The following PRAM1 variants were observed in gnomAD, a reference collection of about 807,000 sequenced individuals.
PRAM1 encodes the protein PML-RARA regulated adaptor molecule 1, also known as PML-RARA-regulated adapter molecule 1.
PRAM1 carries 41 observed loss-of-function variants against 55.3 expected under a neutral mutation model. The ratio of observed to expected loss-of-function variants is 0.74; its 90% CI spans 0.58 to 0.96. The LOEUF (loss-of-function observed/expected upper bound fraction) is 0.96, where lower values mean the gene tolerates loss of function less well. Ranked by LOEUF, PRAM1 falls within the 40% of genes least tolerant of loss-of-function variation. The probability of loss-of-function intolerance (pLI) is 0.00; values close to 1 mark genes in which losing one functional copy is unlikely to be tolerated. For synonymous variants in PRAM1, 401 were observed against 387.1 expected (o/e 1.04, Z -0.42); for missense variants, 898 against 892.7 (o/e 1.01, Z -0.08).
chr19:8,498,422 C>T lies in PRAM1; in HGVS notation c.1386G>A (p.Gly462=), dbSNP rs1022265271. ...HPPAKPPLPP[G]PVDMQSFRRP... ...TCCGAAAGCTCTGCATATCCACGGG[C>T]CCCGGGGGCAGCGGGGGCTTGGCTG... The change falls in exon 2 of 10, where the codon GGG becomes GGA. Residue 462 remains glycine, a synonymous_variant. Coordinates refer to ENST00000423345, the MANE Select transcript of PRAM1 (RefSeq NM_032152.5). 2 of 1,578,610 alleles carry T rather than the reference C, an allele frequency of 1.3e-6. No homozygotes were observed. Among genetic ancestry groups the T allele is most frequent in the East Asian group, 2.3e-5 (1 of 43,996 alleles).
Position 8,491,145 on chromosome 19 carries a change from G to T in PRAM1, c.1589C>A (p.Ser530Ter), listed in dbSNP as rs1971624233. The T allele has an allele frequency of 6.2e-7, 1 of 1,611,230 alleles. No homozygotes were observed. Among genetic ancestry groups the T allele is most frequent in the East Asian group, 2.2e-5 (1 of 44,868 alleles). The change falls in exon 5 of 10, where the codon TCA (serine) becomes TAA (stop). Residue 530 changes from serine to a stop codon, truncating the protein, a stop_gained. Coordinates refer to ENST00000423345, the MANE Select transcript of PRAM1 (RefSeq NM_032152.5). LOFTEE classifies it high-confidence loss of function. Reference protein sequence around the residue: ...PSPKGRDEAPSVQQAARRPPQ... With the variant: ...PSPKGRDEAP The stretch of plus-strand genomic sequence containing the variant: ...TGGCCTCCTGGCGGCTTGCTGAACT[G>T]AGGGCGCTTCATCTGGGGACAGTCA...
chr19:8,501,098 CTTTT>C (rs35262115), intron 1 of PRAM1, among the ~76,000 whole-genome samples: 3 of 118,158 alleles, frequency 2.5e-5, no homozygotes, highest in Admixed American at 8.5e-5. Flanking sequence ...TTCTTTCTTT[CTTTT>C]TTTTTTTTTT....
intron 4 of PRAM1, among the ~76,000 whole-genome samples, chr19:8,495,739 T>A (rs1274278278): frequency 1.4e-5 from 2 of 146,416 alleles, no homozygotes; most frequent in African/African-American, 5.1e-5. Flanking sequence ...ATGCAGGGAG[T>A]GGAGCGTACA....
intron 4 of PRAM1, among the ~76,000 whole-genome samples, chr19:8,496,650 G>A (rs914742768): frequency 6.6e-6 from 1 of 151,908 alleles, no homozygotes; most frequent in African/African-American, 2.4e-5. Flanking sequence ...GCTTGAACAC[G>A]GAAGGCAGAG....
intron 1 of PRAM1, among the ~76,000 whole-genome samples, chr19:8,500,886 C>T (rs779160772): frequency 9.2e-5 from 14 of 152,114 alleles, no homozygotes; most frequent in Non-Finnish European, 1.8e-4. Context: ...GTGCCTCAGC[C>T]GCCCAAGTAG....
At chr19:8,494,484 C>T (rs1971670034) in intron 4 of PRAM1, among the ~76,000 whole-genome samples, 1 of 152,206 alleles carries the variant, frequency 6.6e-6, no homozygotes, top group Non-Finnish European at 1.5e-5. Flanking sequence ...GCCCCAGGCC[C>T]TCTGAGGCTG....
Position 8,495,534 on chromosome 19 carries a change from C to T in PRAM1, c.1576+2230G>A, listed in dbSNP as rs114412646. ...GGATGACAGGTGTGAGCTGCCACGC[C>T]GGGCCAGCCTTGTGCATCTGTAAAA... On this transcript the variant is annotated intron_variant, in intron 4 of 9. Transcript: ENST00000423345. Among the ~76,000 whole-genome samples the T allele has an allele frequency of 7.1e-3, 1,082 of 152,286 alleles. 14 individuals carry two copies. The highest frequency in any genetic ancestry group is 0.025 in the African/African-American group (1,030 of 41,550).
intron 4 of PRAM1, among the ~76,000 whole-genome samples, chr19:8,496,444 G>T (rs1427754797): frequency 6.6e-6 from 1 of 151,992 alleles, no homozygotes; most frequent in Admixed American, 6.6e-5. Flanking sequence ...AAAATATAAG[G>T]CCGGGCGCGG....
At chr19:8,496,353 G>T (rs926996898) in intron 4 of PRAM1, among the ~76,000 whole-genome samples, 1 of 152,122 alleles carries the variant, frequency 6.6e-6, no homozygotes, top group Non-Finnish European at 1.5e-5. Context: ...GGCAGAGGTT[G>T]CAGTGAGCTG....
chr19:8,495,911 A>T (rs962621680), intron 4 of PRAM1: 2 of 361,292 alleles, frequency 5.5e-6, no homozygotes, highest in Admixed American at 3.5e-5. Flanking sequence ...GCTTGCCTGG[A>T]AGCTGCTTGT....
intron 1 of PRAM1, among the ~76,000 whole-genome samples, chr19:8,500,021 G>T (rs961463952): frequency 2.0e-5 from 3 of 151,804 alleles, no homozygotes; most frequent in Non-Finnish European, 4.4e-5. Flanking sequence ...TGGAGATCCC[G>T]ACATCCCTCC....
At chr19:8,498,117 A>G in intron 3 of PRAM1, 106 bp downstream of exon 3, 1 of 1,207,976 alleles carries the variant, frequency 8.3e-7, no homozygotes, top group Non-Finnish European at 1.2e-6. Flanking sequence ...TGACTTCAGG[A>G]GATCCGCCCA....
At position 8,490,081 on chromosome 19, in the gene PRAM1, C is replaced by G; in HGVS notation, c.*108G>C. The G allele has an allele frequency of 9.0e-7, 1 of 1,114,746 alleles. No individual in the cohort carries two copies. The highest frequency in any genetic ancestry group is 1.3e-6 in the Non-Finnish European group (1 of 795,052). 69.1% of individuals were successfully genotyped at this position (1,114,746 alleles called of 1,614,324 possible). A position where few individuals can be genotyped will look rare whatever the true frequency, so the allele number is the denominator to read the frequency against. ...TGCTTTAAACTGGGGCTTTATGTGG[C>G]CAGGTACAAGCCCAGGCAGCTCTGT... On this transcript the variant is annotated 3_prime_UTR_variant, in exon 10 of 10. Transcript: ENST00000423345. The surrounding 1 kb of genome is among the most constrained non-coding windows in gnomAD (Gnocchi z 7.3).
chr19:8,502,105 C>T (rs1170977706), intron 1 of PRAM1, among the ~76,000 whole-genome samples: 2 of 152,200 alleles, frequency 1.3e-5, no homozygotes. Context: ...TGAAGTGCCC[C>T]TGTCAAAGCC....
intron 2 of PRAM1, 36 bp downstream of exon 2, chr19:8,498,339 GC>G (rs1244220371): frequency 2.5e-6 from 4 of 1,591,804 alleles, no homozygotes; most frequent in South Asian, 1.1e-5. Context: ...TGGGACCTCA[GC>G]CCCCGCTCCT....
At chr19:8,491,551 A>G in intron 4 of PRAM1, 1 of 311,658 alleles carries the variant, frequency 3.2e-6, no homozygotes, top group Admixed American at 4.6e-5. Context: ...GATCTTGAGT[A>G]AGGCCTCCCT....
chr19:8,497,739 G>T, intron 4 of PRAM1, 25 bp downstream of exon 4: 2 of 1,579,704 alleles, frequency 1.3e-6, no homozygotes, highest in Non-Finnish European at 1.7e-6. Flanking sequence ...TGTTTTGCAG[G>T]GACTCGGGCA....
rs999557400 is a variant in PRAM1, at chr19:8,498,737, G to A, written c.1071C>T (p.Phe357=). 6.3e-7 allele frequency: 1 copy of A among 1,581,748 alleles called. No individual in the cohort carries two copies. The highest frequency in any genetic ancestry group is 1.3e-5 in the African/African-American group (1 of 74,088). ...GGACAGCGCTGGGCTCAGGCTGTGA[G>A]AACTTGCGGGGTGGCCCCCGGCGCT... The part of the protein sequence containing the change: ...QPERRGPPRK[F]SQPEPSAVLK... The change falls in exon 2 of 10, where the codon TTC becomes TTT. Residue 357 remains phenylalanine, a synonymous_variant. Transcript: ENST00000423345.
chr19:8,502,155 G>T (rs894387933), intron 1 of PRAM1, among the ~76,000 whole-genome samples: 1 of 152,196 alleles, frequency 6.6e-6, no homozygotes, highest in African/African-American at 2.4e-5. Context: ...CGACCACAGG[G>T]CTAGATAAGT....
Sources: allele counts gnomAD v4.1 joint callset (sites outside exome capture counted in the v4.1 genomes callset), GRCh38; gene constraint gnomAD v4.1.1; non-coding constraint Gnocchi (gnomAD v3.1); transcripts MANE v1.5; gene names NCBI Gene and HGNC (gene_info 2026-07-23, HGNC 2026-07-21).